TIMM50: variants seen among roughly 807,000 people sequenced by gnomAD.
The protein encoded by TIMM50 is translocase of inner mitochondrial membrane 50.
A neutral mutation model predicts 49.6 loss-of-function variants in TIMM50; 34 were observed. That is an observed-to-expected ratio of 0.69 (90% confidence interval 0.52 to 0.91). The LOEUF (loss-of-function observed/expected upper bound fraction) is 0.91. Among genes scored for constraint, TIMM50 ranks in the 40% least tolerant of loss-of-function variants. The pLI, the probability that TIMM50 is intolerant of heterozygous loss-of-function variation, is 0.00. For missense variants in TIMM50, 458 were observed against 477.8 expected (o/e 0.96, Z 0.39); for synonymous variants, 199 against 198.4 (o/e 1.00, Z -0.03).
At chr19:39,487,939 C>T in intron 8 of TIMM50, 122 bp from the exon 9 acceptor site, 2 of 1,428,298 alleles carry the variant, frequency 1.4e-6, no homozygotes, top group Non-Finnish European at 1.9e-6. Context: ...TTGAGAGGCC[C>T]TGCCATTGTG....
chr19:39,486,116 G>A, intron 6 of TIMM50, 71 bp from the exon 7 acceptor site: 2 of 1,467,020 alleles, frequency 1.4e-6, no homozygotes, highest in South Asian at 2.3e-5. Flanking sequence ...CCCCAGGCTG[G>A]ATCTTTGTCC....
intron 4 of TIMM50, among the ~76,000 whole-genome samples, chr19:39,484,040 G>T (rs1157903572): frequency 6.6e-6 from 1 of 151,854 alleles, no homozygotes; most frequent in Non-Finnish European, 1.5e-5. Flanking sequence ...TTTTAGTAGA[G>T]ACAGGGTTTC....
In TIMM50 at chr19:39,485,741, G is replaced by A. The variant is rs199507227; in HGVS notation, c.426G>A (p.Pro142=). 151 of 1,614,050 alleles carry A rather than the reference G, an allele frequency of 9.4e-5. 3 individuals are homozygous for A. In the South Asian group the frequency reaches 1.5e-3, roughly 16 times the overall value. ...TTCTCCCAGACCCTCTGCAGGAACC[G>A]TACTACCAGCCACCCTACACGCTCG... ...PCLLPDPLQE[P]YYQPPYTLVL... is the part of the protein sequence containing the mutation. Residue 142 remains proline, a synonymous_variant, in exon 6 of 11, where the codon CCG becomes CCA. Transcript: ENST00000607714.
intron 4 of TIMM50, among the ~76,000 whole-genome samples, chr19:39,483,862 A>T (rs1442207615): frequency 6.6e-6 from 1 of 150,924 alleles, no homozygotes. Flanking sequence ...TTTTATTTTT[A>T]TTTTTTTTTG....
rs779430915 is a variant in TIMM50 at position 39,489,842 on chromosome 19, A to G, written c.*22A>G. The G allele has an allele frequency of 1.2e-5, 19 of 1,586,946 alleles. No homozygotes were observed. In the South Asian group the frequency reaches 2.2e-4, roughly 18 times the overall value. ...CTGAACTCTGGGCCTCCTCAAACTC[A>G]GTGCCTGGGTCCAGGGCCCCAGTGC... On this transcript the variant is annotated 3_prime_UTR_variant, in exon 11 of 11. Transcript: ENST00000607714.
chr19:39,482,042 C>T lies in TIMM50; in HGVS notation c.259+9C>T, dbSNP rs559366719. 3.7e-5 allele frequency: 59 copies of T among 1,610,870 alleles called. No homozygotes were observed. The South Asian group carries it at 5.4e-4, about 15-fold the overall frequency. ...CGTCGTCTATATCTTTGGTGAGGGA[C>T]ATATCCCTGTCCCCCAGTTTTGTTC... On this transcript the variant is annotated intron_variant, in intron 2 of 10. Transcript: ENST00000607714.
Position 39,482,036 on chromosome 19 carries a change from G to A in TIMM50, c.259+3G>A, listed in dbSNP as rs201602889. 4.7e-4 allele frequency: 766 copies of A among 1,613,534 alleles called. No homozygotes were observed. Among genetic ancestry groups the A allele is most frequent in the Non-Finnish European group, 6.4e-4 (755 of 1,179,610 alleles). ...TGTGAGCGTCGTCTATATCTTTGGT[G>A]AGGGACATATCCCTGTCCCCCAGTT... On this transcript the variant is annotated splice_donor_region_variant and intron_variant, in intron 2 of 10. Coordinates refer to ENST00000607714, the MANE Select transcript of TIMM50 (RefSeq NM_001001563.5).
intron 4 of TIMM50, 171 bp downstream of exon 4, chr19:39,483,327 A>G (rs529966597): frequency 2.3e-5 from 18 of 791,388 alleles, no homozygotes; most frequent in Non-Finnish European, 3.7e-5. Flanking sequence ...GCCCAAGCCC[A>G]CTTCCCTGGC....
chr19:39,488,446 C>T, intron 9 of TIMM50, 93 bp from the exon 10 acceptor site: 3 of 1,223,972 alleles, frequency 2.5e-6, no homozygotes, highest in South Asian at 1.3e-5. Context: ...GCACTGACTG[C>T]CCCCGTGCCC....
chr19:39,486,895 G>A (rs1011596883), intron 8 of TIMM50, among the ~76,000 whole-genome samples: 3 of 152,176 alleles, frequency 2.0e-5, no homozygotes, highest in East Asian at 1.9e-4. Context: ...TCAGGAGTCC[G>A]GATCTGCGAA....
At chr19:39,483,408 C>T in intron 4 of TIMM50, 2 of 552,968 alleles carry the variant, frequency 3.6e-6, no homozygotes, top group Non-Finnish European at 3.2e-6. Context: ...CTTGGGGACA[C>T]AGGGTGGCCT....
At chr19:39,484,404 T>TA (rs956947269) in intron 4 of TIMM50, among the ~76,000 whole-genome samples, 13 of 151,014 alleles carry the variant, frequency 8.6e-5, no homozygotes, top group South Asian at 4.2e-4. Flanking sequence ...TCTCCATCTC[T>TA]AAAAAAAAAT....
intron 4 of TIMM50, among the ~76,000 whole-genome samples, chr19:39,484,259 C>T (rs1488563760): frequency 6.6e-6 from 1 of 152,040 alleles, no homozygotes; most frequent in Non-Finnish European, 1.5e-5. Flanking sequence ...GATTCATTAG[C>T]CGGGAGTGGT....
intron 10 of TIMM50, 49 bp from the exon 11 acceptor site, chr19:39,489,670 T>C: frequency 6.6e-7 from 1 of 1,524,938 alleles, no homozygotes; most frequent in Non-Finnish European, 8.9e-7. Flanking sequence ...GGGAGGAGGC[T>C]CTGTCCACCT....
At chr19:39,486,058 C>A in intron 6 of TIMM50, 129 bp from the exon 7 acceptor site, 1 of 1,127,348 alleles carries the variant, frequency 8.9e-7, no homozygotes, top group Non-Finnish European at 1.3e-6. Context: ...AACTTCTTGA[C>A]CTCCAAGAGC....
At chr19:39,487,848 TCCCAAAGTG>T (rs2079517785) in intron 8 of TIMM50, among the ~76,000 whole-genome samples, 1 of 152,166 alleles carries the variant, frequency 6.6e-6, no homozygotes, top group African/African-American at 2.4e-5. Context: ...CGCCTCGGCC[TCCCAAAGTG>T]CTGGGATTAC....
At chr19:39,484,381 A>G (rs2079491293) in intron 4 of TIMM50, among the ~76,000 whole-genome samples, 1 of 152,092 alleles carries the variant, frequency 6.6e-6, no homozygotes, top group Non-Finnish European at 1.5e-5. Flanking sequence ...TCTAGCCTGG[A>G]TGACAGAGTG....
chr19:39,488,509 C>T, intron 9 of TIMM50, 30 bp from the exon 10 acceptor site: 2 of 1,602,590 alleles, frequency 1.2e-6, no homozygotes, highest in Admixed American at 1.7e-5. Context: ...CTTTAGAAGC[C>T]TGGCTGACCA....
intron 4 of TIMM50, 148 bp downstream of exon 4, chr19:39,483,304 G>A (rs2079484919): frequency 1.9e-6 from 2 of 1,044,096 alleles, no homozygotes; most frequent in Admixed American, 4.3e-5. Context: ...TTTGTGGGGA[G>A]GGACATTACA....
Sources: allele counts gnomAD v4.1 joint callset (sites outside exome capture counted in the v4.1 genomes callset), GRCh38; gene constraint gnomAD v4.1.1; transcripts MANE v1.5; gene names NCBI Gene and HGNC (gene_info 2026-07-23, HGNC 2026-07-21).